SCFD2: variants seen among roughly 807,000 people sequenced by gnomAD.
SCFD2 encodes the protein sec1 family domain containing 2.
A neutral mutation model predicts 58.9 loss-of-function variants in SCFD2; 54 were observed. The ratio of observed to expected loss-of-function variants is 0.92; its 90% CI spans 0.74 to 1.15. The LOEUF (loss-of-function observed/expected upper bound fraction) is 1.15. Ranked by LOEUF, SCFD2 falls within the 50% of genes most tolerant of loss-of-function variation. The pLI is 0.00. For missense variants in SCFD2, 805 were observed against 836.6 expected, an observed-to-expected ratio of 0.96 and a Z score of 0.47; for synonymous variants, 321 against 335.9, an observed-to-expected ratio of 0.96 and a Z score of 0.49.
intron 5 of SCFD2, among the ~76,000 whole-genome samples, chr4:52,963,652 C>T (rs929978978): frequency 2.6e-5 from 4 of 152,134 alleles, no homozygotes; most frequent in Non-Finnish European, 5.9e-5. Context: ...TCAAATTCCC[C>T]TTTTCTAGCC....
At position 53,198,575 on chromosome 4, in the gene SCFD2, T is replaced by C. The variant is rs6841388; in HGVS notation, c.1312-52993A>G. 7.7e-3 allele frequency among the ~76,000 whole-genome samples: 1,170 copies of C among 152,148 alleles called. 18 individuals carry two copies. The highest frequency in any genetic ancestry group is 0.026 in the African/African-American group (1,091 of 41,532). ...TACTTCAAGTTATAGTTTATTCTAGTCTTATTATTATACATTATACTCTCT... is the reference window on the plus strand; with the variant it reads ...TACTTCAAGTTATAGTTTATTCTAGCCTTATTATTATACATTATACTCTCT... On this transcript the variant is annotated intron_variant, in intron 4 of 8. Coordinates refer to ENST00000401642, the MANE Select transcript of SCFD2 (RefSeq NM_152540.4).
intron 4 of SCFD2, among the ~76,000 whole-genome samples, chr4:53,164,117 T>C (rs1341554406): frequency 1.3e-5 from 2 of 152,182 alleles, no homozygotes; most frequent in Non-Finnish European, 2.9e-5. Flanking sequence ...ATGAACACTC[T>C]ATAAGGTACT....
chr4:53,305,190 A>T (rs1344946259), intron 3 of SCFD2, among the ~76,000 whole-genome samples: 1 of 151,970 alleles, frequency 6.6e-6, no homozygotes, highest in African/African-American at 2.4e-5. Context: ...TATTTTTTAA[A>T]TTTTTTTATT....
At chr4:53,239,433 G>A (rs1189729910) in intron 4 of SCFD2, among the ~76,000 whole-genome samples, 25 of 143,106 alleles carry the variant, frequency 1.7e-4, no homozygotes, top group Non-Finnish European at 3.5e-4. Flanking sequence ...GGGAGAGGAG[G>A]GAGAGGGAGA....
At chr4:53,261,525 T>A (rs980823130) in intron 4 of SCFD2, among the ~76,000 whole-genome samples, 28 of 152,286 alleles carry the variant, frequency 1.8e-4, no homozygotes, top group African/African-American at 6.3e-4. Flanking sequence ...TGTACTTGCA[T>A]GGTTTTGAGG....
At chr4:53,145,236 G>A in intron 5 of SCFD2, 97 bp downstream of exon 5, 1 of 1,430,144 alleles carries the variant, frequency 7.0e-7, no homozygotes, top group Non-Finnish European at 9.6e-7. Flanking sequence ...CAACTCCAGT[G>A]AAGATGGTTA....
intron 2 of SCFD2, among the ~76,000 whole-genome samples, chr4:53,317,347 T>C (rs1732897317): frequency 6.6e-6 from 1 of 152,190 alleles, no homozygotes. Context: ...CTTCACCAAG[T>C]CACTCTATTA....
intron 5 of SCFD2, among the ~76,000 whole-genome samples, chr4:53,057,299 T>G (rs1577692421): frequency 1.3e-5 from 2 of 152,028 alleles, no homozygotes; most frequent in Non-Finnish European, 2.9e-5. Flanking sequence ...AAAAATGTGG[T>G]ACATATATAC....
At chr4:53,309,518 G>T (rs1176788676) in intron 3 of SCFD2, among the ~76,000 whole-genome samples, 1 of 152,162 alleles carries the variant, frequency 6.6e-6, no homozygotes, top group Non-Finnish European at 1.5e-5. Context: ...CAGTCAAGGG[G>T]ATGTTGGCGG....
intron 4 of SCFD2, among the ~76,000 whole-genome samples, chr4:53,256,712 C>CA (rs1300702379): frequency 2.6e-5 from 4 of 151,772 alleles, no homozygotes; most frequent in Middle Eastern, 3.2e-3. Context: ...CTGTCTCCAC[C>CA]AAAAAAATAC....
intron 4 of SCFD2, among the ~76,000 whole-genome samples, chr4:53,219,056 G>T (rs1195883788): frequency 6.6e-6 from 1 of 152,182 alleles, no homozygotes; most frequent in Non-Finnish European, 1.5e-5. Flanking sequence ...CTACTAGAGG[G>T]TGCCTCCCCT....
At chr4:53,018,781 A>G (rs1268776113) in intron 5 of SCFD2, among the ~76,000 whole-genome samples, 1 of 152,180 alleles carries the variant, frequency 6.6e-6, no homozygotes, top group Non-Finnish European at 1.5e-5. Flanking sequence ...ATTAAGAACA[A>G]GACAGTGCAT....
At chr4:53,122,636 A>G (rs1725513235) in intron 5 of SCFD2, among the ~76,000 whole-genome samples, 1 of 152,226 alleles carries the variant, frequency 6.6e-6, no homozygotes, top group African/African-American at 2.4e-5. Context: ...CTTCGACTCC[A>G]GATGGGCCTA....
chr4:53,354,369 G>C (rs770608977), intron 1 of SCFD2, among the ~76,000 whole-genome samples: 2 of 151,776 alleles, frequency 1.3e-5, no homozygotes, highest in Non-Finnish European at 2.9e-5. Flanking sequence ...GCCACTCCAA[G>C]TGTGGGGCGC....
At chr4:52,924,057 T>C (rs1719806434) in intron 5 of SCFD2, among the ~76,000 whole-genome samples, 1 of 152,222 alleles carries the variant, frequency 6.6e-6, no homozygotes, top group Non-Finnish European at 1.5e-5. Context: ...TGCAAAGTCT[T>C]TCAGTTCCTC....
chr4:53,028,562 T>C (rs1231353910), intron 5 of SCFD2, among the ~76,000 whole-genome samples: 2 of 151,412 alleles, frequency 1.3e-5, no homozygotes, highest in African/African-American at 2.5e-5. Flanking sequence ...ACTTATTCAA[T>C]AGAGTGCTTC....
chr4:53,103,967 G>A (rs1190080841), intron 5 of SCFD2, among the ~76,000 whole-genome samples: 2 of 149,532 alleles, frequency 1.3e-5, no homozygotes, highest in African/African-American at 4.9e-5. Flanking sequence ...ATATGTATCA[G>A]TCCATACTGA....
intron 2 of SCFD2, among the ~76,000 whole-genome samples, chr4:53,337,223 A>G (rs1446654163): frequency 1.3e-5 from 2 of 152,208 alleles, no homozygotes; most frequent in Non-Finnish European, 2.9e-5. Flanking sequence ...TCACATGGTC[A>G]TCCTCTGTGC....
intron 5 of SCFD2, among the ~76,000 whole-genome samples, chr4:53,010,775 C>T (rs1463488624): frequency 3.3e-5 from 5 of 152,112 alleles, no homozygotes; most frequent in African/African-American, 9.7e-5. Flanking sequence ...ATTTTGGGGC[C>T]GGGCTGGGGG....
Sources: allele counts gnomAD v4.1 joint callset (sites outside exome capture counted in the v4.1 genomes callset), GRCh38; gene constraint gnomAD v4.1.1; transcripts MANE v1.5; gene names NCBI Gene and HGNC (gene_info 2026-07-23, HGNC 2026-07-21).